The following ABI3BP variants were observed in gnomAD, a reference collection of about 807,000 sequenced individuals.
The protein encoded by ABI3BP is target of Nesh-SH3.
A neutral mutation model predicts 268.6 loss-of-function variants in ABI3BP; 216 were observed. The observed-to-expected ratio is 0.80, with a 90% CI of 0.72 to 0.90. The LOEUF is 0.90. Among genes scored for constraint, ABI3BP ranks in the 40% least tolerant of loss-of-function variants. The pLI is 0.00. For missense variants in ABI3BP, 2,090 were observed against 2,182.4 expected (o/e 0.96, Z 0.84); for synonymous variants, 730 against 730.0 (o/e 1.00, Z 0.00).
intron 6 of ABI3BP, among the ~76,000 whole-genome samples, chr3:100,877,457 A>G (rs2099171838): frequency 6.6e-6 from 1 of 152,230 alleles, no homozygotes; most frequent in Non-Finnish European, 1.5e-5. Flanking sequence ...AAAGGACCTC[A>G]GAATCAGAAG....
At chr3:100,985,373 TC>T (rs1169101869) in intron 1 of ABI3BP, among the ~76,000 whole-genome samples, 1 of 151,864 alleles carries the variant, frequency 6.6e-6, no homozygotes, top group African/African-American at 2.4e-5. Context: ...ATGGTCTCGA[TC>T]CCCTGACCTC....
chr3:100,826,285 T>C (rs983038827), intron 34 of ABI3BP, among the ~76,000 whole-genome samples: 1 of 152,218 alleles, frequency 6.6e-6, no homozygotes, highest in African/African-American at 2.4e-5. Flanking sequence ...AATAGACTTC[T>C]GTTATTTAAG....
intron 65 of ABI3BP, among the ~76,000 whole-genome samples, chr3:100,753,323 A>G (rs182843675): frequency 3.4e-3 from 517 of 151,386 alleles, no homozygotes; most frequent in African/African-American, 0.012. Context: ...TTTTTGAGAC[A>G]GGATCTCACT....
intron 14 of ABI3BP, among the ~76,000 whole-genome samples, chr3:100,858,866 A>T (rs1170900478): frequency 1.3e-5 from 2 of 152,136 alleles, no homozygotes; most frequent in Non-Finnish European, 2.9e-5. Context: ...GAGCACAAAC[A>T]TTACCCTCCC....
chr3:100,772,694 T>A (rs957119487), intron 61 of ABI3BP, among the ~76,000 whole-genome samples: 3 of 151,932 alleles, frequency 2.0e-5, no homozygotes, highest in Non-Finnish European at 2.9e-5. Context: ...GAACAAAGAA[T>A]AGATGGGAAA....
In ABI3BP at chr3:100,778,275, C is replaced by T. The variant is rs140798682; in HGVS notation, c.4333+9G>A. 6.8e-6 allele frequency: 11 copies of T among 1,612,522 alleles called. No individual in the cohort carries two copies. The East Asian group carries it at 1.6e-4, about 23-fold the overall frequency. On this transcript the variant is annotated intron_variant, in intron 59 of 67. Transcript: ENST00000471714. The stretch of plus-strand genomic sequence containing the variant: ...ATGGCGGGAAAAGGAAGGTACATGA[C>T]TAACGTACCTGCACTTCCTGGCTTT...
chr3:100,835,677 C>A lies in ABI3BP; in HGVS notation c.2132-17G>T. The A allele has an allele frequency of 1.3e-6, 2 of 1,522,020 alleles. No individual in the cohort carries two copies. Among genetic ancestry groups the A allele is most frequent in the African/African-American group, 1.4e-5 (1 of 72,678 alleles). 94.3% of individuals were successfully genotyped at this position (1,522,020 alleles called of 1,614,324 possible). A position where few individuals can be genotyped will look rare whatever the true frequency, so the allele number is the denominator to read the frequency against. On this transcript the variant is annotated splice_polypyrimidine_tract_variant and intron_variant, in intron 27 of 67. Transcript: ENST00000471714. Reference sequence around the variant, plus strand: ...TGGTGGGAACTAACCAAAAGCAATACAATAAACAATGGAGATTAAGAAATA... The same window carrying A: ...TGGTGGGAACTAACCAAAAGCAATAAAATAAACAATGGAGATTAAGAAATA...
At chr3:100,814,740 G>A (rs1397474955) in intron 44 of ABI3BP, among the ~76,000 whole-genome samples, 1 of 152,088 alleles carries the variant, frequency 6.6e-6, no homozygotes, top group Non-Finnish European at 1.5e-5. Context: ...AAAGAATGAG[G>A]AAATGATTGT....
At chr3:100,955,866 GATAA>G (rs1464901540) in intron 1 of ABI3BP, among the ~76,000 whole-genome samples, 1 of 151,976 alleles carries the variant, frequency 6.6e-6, no homozygotes, top group Admixed American at 6.6e-5. Flanking sequence ...AGTGAGAAGA[GATAA>G]ATAAATAAAT....
chr3:100,945,678 T>C (rs1216787930), intron 1 of ABI3BP: 3 of 438,960 alleles, frequency 6.8e-6, no homozygotes, highest in Non-Finnish European at 1.4e-5. Context: ...TTTTATTTGC[T>C]AAATAGAATT....
At chr3:100,820,983 G>A (rs776108867) in intron 39 of ABI3BP, 71 bp downstream of exon 39, 133 of 1,238,794 alleles carry the variant, frequency 1.1e-4, no homozygotes, top group Admixed American at 4.2e-4. Context: ...AAGAATCTGC[G>A]GCTATGATGA....
chr3:100,820,427 T>G, intron 39 of ABI3BP, 124 bp from the exon 40 acceptor site: 1 of 662,902 alleles, frequency 1.5e-6, no homozygotes, highest in Admixed American at 3.3e-5. Context: ...AATTTGTCTT[T>G]TTAACTTTTT....
At chr3:100,866,595 T>A (rs2164629) in intron 10 of ABI3BP, among the ~76,000 whole-genome samples, 81,751 of 151,976 alleles carry the variant, frequency 0.54, 23,018 homozygotes, top group Admixed American at 0.61. Flanking sequence ...ACCAAACTTG[T>A]GGTATGATGT....
chr3:100,757,352 T>A (rs2095674490), intron 63 of ABI3BP, among the ~76,000 whole-genome samples: 1 of 152,042 alleles, frequency 6.6e-6, no homozygotes, highest in African/African-American at 2.4e-5. Flanking sequence ...GTTACAAAAT[T>A]TCAGAGTACT....
intron 3 of ABI3BP, among the ~76,000 whole-genome samples, chr3:100,899,391 TAACCTATTTAG>T (rs987055530): frequency 2.6e-5 from 4 of 152,244 alleles, no homozygotes; most frequent in African/African-American, 9.6e-5. Context: ...TAATCTTTTT[TAACCTATTTAG>T]AAGTGTAAAA....
At chr3:100,984,189 G>A (rs1298478184) in intron 1 of ABI3BP, among the ~76,000 whole-genome samples, 1 of 151,640 alleles carries the variant, frequency 6.6e-6, no homozygotes, top group East Asian at 1.9e-4. Context: ...AAATAAATTT[G>A]TTGGGGAGGC....
At position 100,833,132 on chromosome 3, in the gene ABI3BP, T is replaced by C. The variant is rs979725900; in HGVS notation, c.2307A>G (p.Thr769=). Residue 769 remains threonine (T), a synonymous_variant, in exon 30 of 68, where the codon ACA becomes ACG. Transcript: ENST00000471714. Reference sequence around the variant, plus strand: ...GACATAGAGAGTCATTACCTGAAGATGTCCCAGGAGTAATAGGTCCAAAGT... The same window carrying C: ...GACATAGAGAGTCATTACCTGAAGACGTCCCAGGAGTAATAGGTCCAAAGT... ...KLDFGPITPG[T]SSAPTTTTKR... 17 of 1,534,712 alleles carry C rather than the reference T, an allele frequency of 1.1e-5. No homozygotes were observed. The highest frequency in any genetic ancestry group is 1.5e-5 in the Non-Finnish European group (17 of 1,146,084).
At chr3:100,880,428 C>A (rs1209340251) in intron 6 of ABI3BP, among the ~76,000 whole-genome samples, 2 of 152,174 alleles carry the variant, frequency 1.3e-5, no homozygotes, top group African/African-American at 2.4e-5. Context: ...AGGAAGTAAG[C>A]ATATTTCTTT....
chr3:100,789,667 G>A (rs1024668129), intron 55 of ABI3BP, among the ~76,000 whole-genome samples, 151 bp from the exon 56 acceptor site: 6 of 151,998 alleles, frequency 3.9e-5, no homozygotes, highest in African/African-American at 1.2e-4. Context: ...TAGACTTCAC[G>A]CTAAAGGAAA....
Sources: allele counts gnomAD v4.1 joint callset (sites outside exome capture counted in the v4.1 genomes callset), GRCh38; gene constraint gnomAD v4.1.1; transcripts MANE v1.5; gene names NCBI Gene and HGNC (gene_info 2026-07-23, HGNC 2026-07-21).